Variants in GTF3C3 observed in about 807,000 individuals in gnomAD.
GTF3C3 encodes the protein general transcription factor IIIC subunit 3.
GTF3C3 carries 75 observed loss-of-function variants against 105.2 expected under a neutral mutation model. That is an observed-to-expected ratio of 0.71 (90% CI 0.59 to 0.86). GTF3C3 has a LOEUF of 0.86. Ranked by LOEUF, GTF3C3 falls within the 40% of genes least tolerant of loss-of-function variation. The pLI is 0.00. For synonymous variants in GTF3C3, 335 were observed against 370.4 expected (o/e 0.90, Z 1.10); for missense variants, 856 against 1,076.5 (o/e 0.80, Z 2.87).
intron 13 of GTF3C3, among the ~76,000 whole-genome samples, chr2:196,774,213 C>T (rs564884094): frequency 6.6e-6 from 1 of 152,164 alleles, no homozygotes; most frequent in East Asian, 1.9e-4. Context: ...AGAATCTATC[C>T]TAAACAAAAT....
chr2:196,786,493 C>A lies in GTF3C3; in HGVS notation c.894-905G>T, dbSNP rs142247096. 2.8e-3 allele frequency among the ~76,000 whole-genome samples: 428 copies of A among 152,256 alleles called. 3 individuals carry two copies. The highest frequency in any genetic ancestry group is 9.8e-3 in the African/African-American group (408 of 41,564). ...TCTACCTACTTACCAGTATCTTTGG[C>A]CATATCATCTGCCTTCCCCTTTATC... On this transcript the variant is annotated intron_variant, in intron 6 of 17. Coordinates refer to ENST00000263956, the MANE Select transcript of GTF3C3 (RefSeq NM_012086.5). The surrounding 1 kb of genome is among the most constrained non-coding windows in gnomAD (Gnocchi z 4.2).
At chr2:196,767,520 TATA>T (rs1218605193) in intron 16 of GTF3C3, among the ~76,000 whole-genome samples, 3 of 152,330 alleles carry the variant, frequency 2.0e-5, no homozygotes, top group East Asian at 1.9e-4. Context: ...TGATCTGCTA[TATA>T]ATAAGTGGTC....
chr2:196,772,900 A>G lies in GTF3C3; in HGVS notation c.2069+16T>C. 1 of 1,213,486 alleles carries G rather than the reference A, an allele frequency of 8.2e-7. No homozygotes were observed. Among genetic ancestry groups the G allele is most frequent in the South Asian group, 1.5e-5 (1 of 67,762 alleles). 75.2% of individuals were successfully genotyped at this position (1,213,486 alleles called of 1,614,324 possible). A position where few individuals can be genotyped will look rare whatever the true frequency, so the allele number is the denominator to read the frequency against. ...CTATTAAAGAATCTAATTAAAATAAATAACTGGGAAATCACCTGATATAGT... is the reference window on the plus strand; with the variant it reads ...CTATTAAAGAATCTAATTAAAATAAGTAACTGGGAAATCACCTGATATAGT... On this transcript the variant is annotated intron_variant, in intron 14 of 17. Coordinates refer to ENST00000263956, the MANE Select transcript of GTF3C3 (RefSeq NM_012086.5).
At chr2:196,791,120 A>G (rs1053205875) in intron 4 of GTF3C3, among the ~76,000 whole-genome samples, 2 of 152,230 alleles carry the variant, frequency 1.3e-5, no homozygotes, top group Non-Finnish European at 2.9e-5. Context: ...AACATTAGAA[A>G]AAAAAAGTAA....
chr2:196,772,602 A>G (rs1699192670), intron 14 of GTF3C3, among the ~76,000 whole-genome samples: 1 of 152,170 alleles, frequency 6.6e-6, no homozygotes, highest in African/African-American at 2.4e-5. Flanking sequence ...TTAAAAAGGC[A>G]TAACAACTCC....
chr2:196,788,547 T>C (rs1192801458), intron 6 of GTF3C3, among the ~76,000 whole-genome samples: 1 of 152,168 alleles, frequency 6.6e-6, no homozygotes, highest in African/African-American at 2.4e-5. Flanking sequence ...AGATCCCAAA[T>C]CATTAACATT....
intron 6 of GTF3C3, among the ~76,000 whole-genome samples, chr2:196,787,716 T>C (rs539363256): frequency 1.4e-4 from 22 of 152,348 alleles, no homozygotes; most frequent in Middle Eastern, 3.4e-3. Context: ...ATGTACTATA[T>C]ATTTAGCTGT....
rs1699178744 is a variant in GTF3C3, at chr2:196,771,675, C to CA, written c.2260+72dup. ...CAGTGAGGCTGATAATTAACCCAGA[C>CA]AGTTCCAATCCAGAGGCTAGGCTCT... On this transcript the variant is annotated intron_variant, in intron 15 of 17. Transcript: ENST00000263956. 8 of 992,698 alleles carry CA rather than the reference C, an allele frequency of 8.1e-6. No individual in the cohort carries two copies. In the African/African-American group the frequency reaches 1.3e-4, roughly 16 times the overall value. 61.5% of individuals were successfully genotyped at this position (992,698 alleles called of 1,614,324 possible). A position where few individuals can be genotyped will look rare whatever the true frequency, so the allele number is the denominator to read the frequency against.
chr2:196,781,357 A>ATATATATGT (rs1553578902), intron 8 of GTF3C3, among the ~76,000 whole-genome samples: 1 of 18,812 alleles, frequency 5.3e-5, no homozygotes, highest in Non-Finnish European at 1.5e-4. Context: ...AAAAAAAAAA[A>ATATATATGT]ATATATATAT....
intron 8 of GTF3C3, among the ~76,000 whole-genome samples, chr2:196,784,587 C>T (rs187905168): frequency 1.5e-4 from 23 of 151,318 alleles, no homozygotes; most frequent in Admixed American, 3.3e-4. Flanking sequence ...CGTTTTTTTT[C>T]CTAAAAAAAG....
At chr2:196,780,229 A>G (rs1699323525) in intron 9 of GTF3C3, 3 of 966,632 alleles carry the variant, frequency 3.1e-6, no homozygotes, top group Non-Finnish European at 3.8e-6. Context: ...TTTTTTTTCA[A>G]TAATATACTT....
chr2:196,763,387 G>GTATC lies in GTF3C3; in HGVS notation c.*1172_*1175dup, dbSNP rs1203164152. 1.3e-5 allele frequency: 2 copies of GTATC among 152,120 alleles called. No homozygotes were observed. The highest frequency in any genetic ancestry group is 2.9e-5 in the Non-Finnish European group (2 of 68,022). The allele number at this position is 152,120 out of a possible 1,614,324, so 9.4% of individuals were successfully genotyped here. On this transcript the variant is annotated 3_prime_UTR_variant, in exon 18 of 18. Coordinates refer to ENST00000263956, the MANE Select transcript of GTF3C3 (RefSeq NM_012086.5). The stretch of plus-strand genomic sequence containing the variant: ...CAACACACAAGTCTAACTTATTACT[G>GTATC]TATCTCAGTTACCTCTACCATTACC...
intron 1 of GTF3C3, chr2:196,799,156 G>A (rs1699701705): frequency 4.9e-6 from 1 of 203,724 alleles, no homozygotes; most frequent in Admixed American, 5.5e-5. Context: ...TCCACCCACC[G>A]TCACAAAACG....
In GTF3C3 at chr2:196,763,800, AG is replaced by A. The variant is rs1358635529; in HGVS notation, c.*762del. On this transcript the variant is annotated 3_prime_UTR_variant, in exon 18 of 18. Transcript: ENST00000263956. ...GAGATGAGTAAACAAACAAAAAAAA[AG>A]TTTTTTACTTTATCAATCAGCAGTA... 1.3e-5 allele frequency: 2 copies of A among 152,236 alleles called. No homozygotes were observed. The highest frequency in any genetic ancestry group is 4.8e-5 in the African/African-American group (2 of 41,470). 9.4% of individuals were successfully genotyped at this position (152,236 alleles called of 1,614,324 possible).
chr2:196,775,449 A>G (rs1026447610), intron 12 of GTF3C3, among the ~76,000 whole-genome samples, 198 bp from the exon 13 acceptor site: 1 of 152,192 alleles, frequency 6.6e-6, no homozygotes, highest in African/African-American at 2.4e-5. Context: ...AAGAAAACCT[A>G]TGGGTCACAG....
chr2:196,785,311 T>C (rs1576030205), intron 7 of GTF3C3, 130 bp downstream of exon 7: 2 of 611,712 alleles, frequency 3.3e-6, no homozygotes, highest in East Asian at 5.8e-5. Context: ...AATCTAGAAA[T>C]CACTTGTTTC....
rs1489376291 is a variant in GTF3C3, at chr2:196,772,942, AT to A, written c.2042del (p.Asn681IlefsTer11). The A allele has an allele frequency of 1.3e-6, 2 of 1,577,658 alleles. No homozygotes were observed. Among genetic ancestry groups the A allele is most frequent in the Non-Finnish European group, 1.7e-6 (2 of 1,164,042 alleles). ...FGLSAAILDK[N>X]FRKAYNYIRI... ...TGATATAGTTGTATGCCTTTCTGAA[AT>A]TTTTGTCCAGAATTGCAGCAGACAG... On this transcript the variant is annotated frameshift_variant, in exon 14 of 18. Transcript: ENST00000263956. LOFTEE classifies it high-confidence loss of function.
chr2:196,791,213 C>T, intron 4 of GTF3C3, 124 bp downstream of exon 4: 2 of 773,296 alleles, frequency 2.6e-6, no homozygotes, highest in Non-Finnish European at 4.0e-6. Flanking sequence ...TGGCAATTAC[C>T]ATTACCACAA....
intron 2 of GTF3C3, among the ~76,000 whole-genome samples, chr2:196,795,810 C>A (rs995257634): frequency 6.6e-6 from 1 of 152,084 alleles, no homozygotes; most frequent in Non-Finnish European, 1.5e-5. Context: ...TAATAAGAAA[C>A]AAAAGGCATA....
Sources: gnomAD v4.1 joint callset for allele counts (sites outside exome capture counted in the v4.1 genomes callset) on GRCh38, gnomAD v4.1.1 for gene constraint, Gnocchi (gnomAD v3.1) non-coding constraint, MANE v1.5 for transcripts, NCBI Gene and HGNC (gene_info 2026-07-23, HGNC 2026-07-21) for gene names.